HORMAD2: variants seen among roughly 807,000 people sequenced by gnomAD.
HORMAD2 encodes the protein HORMA domain-containing protein 2.
In HORMAD2, 45 loss-of-function variants were observed where a neutral mutation model predicts 38.8. The observed-to-expected ratio is 1.16, with a 90% CI of 0.91 to 1.49. HORMAD2 has a LOEUF of 1.49. HORMAD2 is among the 40% of genes most tolerant of loss of function. The pLI, the probability that HORMAD2 is intolerant of heterozygous loss-of-function variation, is 0.00. For synonymous variants in HORMAD2, 126 were observed against 122.8 expected, an observed-to-expected ratio of 1.03 and a Z score of -0.17; for missense variants, 338 against 367.0, an observed-to-expected ratio of 0.92 and a Z score of 0.65.
At chr22:30,152,989 C>A (rs1924846181) in intron 10 of HORMAD2, among the ~76,000 whole-genome samples, 1 of 152,186 alleles carries the variant, frequency 6.6e-6, no homozygotes, top group Admixed American at 6.6e-5. Context: ...TGAGTTAACA[C>A]TGTCATGTCA....
the HORMAD2 span, among the ~76,000 whole-genome samples, chr22:30,198,882 C>T: frequency 1.3e-5 from 2 of 152,172 alleles, no homozygotes; most frequent in Non-Finnish European, 2.9e-5. Context: ...GAAAACCAAG[C>T]GGCATCCAGT....
chr22:30,115,967 GC>G (rs1922012931), intron 7 of HORMAD2, among the ~76,000 whole-genome samples: 1 of 152,158 alleles, frequency 6.6e-6, no homozygotes, highest in Non-Finnish European at 1.5e-5. Context: ...AACATCACAG[GC>G]ATTGGCGTCA....
chr22:30,137,079 G>A (rs1923717501), intron 10 of HORMAD2: 2 of 362,228 alleles, frequency 5.5e-6, no homozygotes, highest in Non-Finnish European at 1.0e-5. Flanking sequence ...ATCATTGATA[G>A]TCTTGACATC....
At chr22:30,162,780 G>A (rs574411103) in intron 10 of HORMAD2, among the ~76,000 whole-genome samples, 13 of 146,438 alleles carry the variant, frequency 8.9e-5, no homozygotes, top group African/African-American at 3.3e-4. Context: ...TCGGCTCACT[G>A]CAACCTCTGC....
At chr22:30,154,518 C>T (rs887137844) in intron 10 of HORMAD2, among the ~76,000 whole-genome samples, 27 of 152,130 alleles carry the variant, frequency 1.8e-4, no homozygotes, top group Non-Finnish European at 3.4e-4. Context: ...TCATCTAACC[C>T]TCAGATTCCT....
At chr22:30,138,077 C>T (rs990607237) in intron 10 of HORMAD2, among the ~76,000 whole-genome samples, 3 of 152,082 alleles carry the variant, frequency 2.0e-5, no homozygotes, top group African/African-American at 7.2e-5. Context: ...TTGGTATTGT[C>T]TCACTTTTTG....
intron 8 of HORMAD2, 97 bp downstream of exon 8, chr22:30,119,144 A>G: frequency 1.3e-6 from 1 of 762,394 alleles, no homozygotes. Context: ...TTCTTTACAC[A>G]TTTCCCCACA....
intron 2 of HORMAD2, among the ~76,000 whole-genome samples, chr22:30,097,307 A>G (rs1011325841): frequency 2.0e-4 from 30 of 152,362 alleles, no homozygotes; most frequent in African/African-American, 7.2e-4. Context: ...ATACTGAAGC[A>G]AAAGTCACAA....
chr22:30,078,607 C>CA (rs55966787), upstream of HORMAD2, among the ~76,000 whole-genome samples: 3,360 of 28,008 alleles, frequency 0.12, 906 homozygotes, highest in East Asian at 0.26. Context: ...CTCTGTCTCA[C>CA]AAAAAAAAAA....
At chr22:30,111,369 G>C (rs7287570) in intron 5 of HORMAD2, among the ~76,000 whole-genome samples, 106,804 of 151,706 alleles carry the variant, frequency 0.7, 38,594 homozygotes, top group South Asian at 0.87. Flanking sequence ...ATCTGTAATC[G>C]CAGCTACTCA....
chr22:30,130,837 C>T (rs1239227423), intron 10 of HORMAD2, among the ~76,000 whole-genome samples: 2 of 152,040 alleles, frequency 1.3e-5, no homozygotes, highest in South Asian at 2.1e-4. Flanking sequence ...GCAACCCACC[C>T]GCCTCTGCCT....
chr22:30,103,944 G>C (rs1921001517), intron 4 of HORMAD2, among the ~76,000 whole-genome samples: 1 of 151,468 alleles, frequency 6.6e-6, no homozygotes, highest in Non-Finnish European at 1.5e-5. Context: ...ACAGGTGTGA[G>C]CCACTGCCCT....
the HORMAD2 span, among the ~76,000 whole-genome samples, chr22:30,195,519 C>A: frequency 1.3e-5 from 2 of 152,206 alleles, no homozygotes; most frequent in African/African-American, 4.8e-5. Flanking sequence ...GGTCTCCCAA[C>A]CCTCAGGCCT....
intron 10 of HORMAD2, among the ~76,000 whole-genome samples, chr22:30,173,314 A>T (rs1053609421): frequency 6.6e-6 from 1 of 152,208 alleles, no homozygotes; most frequent in Non-Finnish European, 1.5e-5. Context: ...CAGAGTGGAC[A>T]ATGGATTGGA....
At chr22:30,197,189 A>G in the HORMAD2 span, among the ~76,000 whole-genome samples, 1 of 151,806 alleles carries the variant, frequency 6.6e-6, no homozygotes, top group African/African-American at 2.4e-5. Context: ...GTTGGATGTG[A>G]AAAGGGTTGG....
intron 1 of HORMAD2, among the ~76,000 whole-genome samples, chr22:30,082,711 T>C (rs1160614183): frequency 2.0e-5 from 3 of 151,698 alleles, no homozygotes; most frequent in Admixed American, 1.3e-4. Flanking sequence ...GGAGGATCAC[T>C]TGAGCCCAGA....
intron 2 of HORMAD2, among the ~76,000 whole-genome samples, chr22:30,098,261 G>C (rs1359436370): frequency 6.6e-6 from 1 of 152,136 alleles, no homozygotes. Flanking sequence ...AGCTATAAAA[G>C]AGAAAAAGCC....
the HORMAD2 span, among the ~76,000 whole-genome samples, chr22:30,194,810 G>C: frequency 6.6e-6 from 1 of 152,130 alleles, no homozygotes; most frequent in Admixed American, 6.5e-5. Flanking sequence ...CATTGCTTTG[G>C]CCAACACAGG....
intron 7 of HORMAD2, among the ~76,000 whole-genome samples, chr22:30,117,644 G>A (rs953511302): frequency 6.6e-6 from 1 of 152,038 alleles, no homozygotes. Context: ...GAGTAGCTGG[G>A]ATTACAGGCG....
Sources: allele counts gnomAD v4.1 joint callset (sites outside exome capture counted in the v4.1 genomes callset), GRCh38; gene constraint gnomAD v4.1.1; transcripts MANE v1.5; gene names NCBI Gene and HGNC (gene_info 2026-07-23, HGNC 2026-07-21).